CMSS1: variants seen among roughly 807,000 people sequenced by gnomAD.
CMSS1 encodes protein CMSS1.
A neutral mutation model predicts 43.5 loss-of-function variants in CMSS1; 33 were observed. The observed-to-expected ratio is 0.76, with a 90% CI of 0.57 to 1.01. The LOEUF (loss-of-function observed/expected upper bound fraction) is 1.01, where lower values mean the gene tolerates loss of function less well. Ranked by LOEUF, CMSS1 falls within the 50% of genes least tolerant of loss-of-function variation. The probability of loss-of-function intolerance (pLI) is 0.00; values close to 1 mark genes in which losing one functional copy is unlikely to be tolerated. For synonymous variants in CMSS1, 115 were observed against 117.2 expected, an observed-to-expected ratio of 0.98 and a Z score of 0.12; for missense variants, 313 against 326.4, an observed-to-expected ratio of 0.96 and a Z score of 0.32.
intron 1 of CMSS1, among the ~76,000 whole-genome samples, chr3:99,880,760 A>G (rs1576543971): frequency 6.6e-6 from 1 of 152,236 alleles, no homozygotes; most frequent in South Asian, 2.1e-4. Flanking sequence ...AAAATTTTAC[A>G]TGTAGTCCTA....
chr3:99,970,484 G>C (rs1195611547), intron 1 of CMSS1, among the ~76,000 whole-genome samples: 1 of 152,246 alleles, frequency 6.6e-6, no homozygotes, highest in African/African-American at 2.4e-5. Flanking sequence ...CACCCTATTT[G>C]TGTTCGCTTT....
intron 1 of CMSS1, among the ~76,000 whole-genome samples, chr3:100,031,743 C>T (rs1196715099): frequency 6.6e-6 from 1 of 152,066 alleles, no homozygotes; most frequent in Non-Finnish European, 1.5e-5. Context: ...TTGTATTTTA[C>T]GTTTATTTGC....
chr3:100,037,668 G>A (rs1336219598), intron 1 of CMSS1, among the ~76,000 whole-genome samples: 1 of 152,118 alleles, frequency 6.6e-6, no homozygotes, highest in Non-Finnish European at 1.5e-5. Flanking sequence ...TCTGTAAATT[G>A]AGGCACACCT....
chr3:100,020,241 AT>A (rs2064783152), intron 1 of CMSS1, among the ~76,000 whole-genome samples: 1 of 152,064 alleles, frequency 6.6e-6, no homozygotes, highest in Non-Finnish European at 1.5e-5. Flanking sequence ...ATTCTTTGCA[AT>A]TTACTTCACT....
chr3:99,954,362 AT>A (rs1708260278), intron 1 of CMSS1, among the ~76,000 whole-genome samples: 1 of 152,170 alleles, frequency 6.6e-6, no homozygotes, highest in Non-Finnish European at 1.5e-5. Context: ...TCACATAATA[AT>A]CCAGCCACAC....
intron 1 of CMSS1, among the ~76,000 whole-genome samples, chr3:99,981,941 C>T (rs1037900221): frequency 6.6e-6 from 1 of 152,148 alleles, no homozygotes; most frequent in African/African-American, 2.4e-5. Context: ...GCCTGGATAA[C>T]ATAGTGAGAT....
chr3:99,915,444 G>A (rs1163880137), intron 1 of CMSS1, among the ~76,000 whole-genome samples: 1 of 152,094 alleles, frequency 6.6e-6, no homozygotes, highest in African/African-American at 2.4e-5. Flanking sequence ...ATTAGTGTGA[G>A]GATTTTTGAC....
At chr3:100,151,103 T>C (rs913014237) in intron 2 of CMSS1, among the ~76,000 whole-genome samples, 2 of 152,314 alleles carry the variant, frequency 1.3e-5, no homozygotes, top group South Asian at 4.1e-4. Context: ...TATTTGACCA[T>C]TGGTCATTTC....
chr3:100,056,790 G>A (rs1379699401), intron 1 of CMSS1, among the ~76,000 whole-genome samples: 9 of 151,512 alleles, frequency 5.9e-5, no homozygotes, highest in Admixed American at 6.6e-5. Context: ...GGATCACGAG[G>A]TCAGGAGATC....
chr3:99,972,277 C>A (rs1307264781), intron 1 of CMSS1, among the ~76,000 whole-genome samples: 1 of 152,078 alleles, frequency 6.6e-6, no homozygotes, highest in African/African-American at 2.4e-5. Context: ...AATAGAGTAC[C>A]CTAGTTTTGT....
rs778641584 is a variant in CMSS1 at position 99,830,465 on chromosome 3, G to A, written c.64+12422G>A. ...AGGTGTTGGAGGTGACAGTTCTCACGATGTGTAGCTTCCCACAGCCATTTT... is the reference window on the plus strand; with the variant it reads ...AGGTGTTGGAGGTGACAGTTCTCACAATGTGTAGCTTCCCACAGCCATTTT... On this transcript the variant is annotated intron_variant, in intron 1 of 9. Transcript: ENST00000421999. 59 of 456,524 alleles carry A rather than the reference G, an allele frequency of 1.3e-4. No individual in the cohort carries two copies. The Middle Eastern group carries it at 1.3e-3, about 10-fold the overall frequency. 28.3% of individuals were successfully genotyped at this position (456,524 alleles called of 1,614,324 possible).
At position 100,181,171 on chromosome 3, in the gene CMSS1, A is replaced by C. The variant is rs2067182320; in HGVS notation, c.*2783A>C. 6.6e-6 allele frequency: 1 copy of C among 152,220 alleles called. No homozygotes were observed. The highest frequency in any genetic ancestry group is 2.4e-5 in the African/African-American group (1 of 41,458). The allele number at this position is 152,220 out of a possible 1,614,324, so 9.4% of individuals were successfully genotyped here. ...CACTGGGAATTACAATTCGACATGA[A>C]ACTTGGGTGGGGACACAGCCAAACC... is the stretch of plus-strand genomic sequence containing the variant. On this transcript the variant is annotated 3_prime_UTR_variant, in exon 10 of 10. Transcript: ENST00000421999.
intron 1 of CMSS1, among the ~76,000 whole-genome samples, chr3:99,910,521 C>T (rs1414445620): frequency 7.3e-6 from 1 of 136,610 alleles, no homozygotes; most frequent in Non-Finnish European, 1.7e-5. Flanking sequence ...GGTGAAGTGG[C>T]AGATGCATGT....
chr3:100,095,605 T>C (rs555352636), intron 1 of CMSS1, among the ~76,000 whole-genome samples: 1 of 152,152 alleles, frequency 6.6e-6, no homozygotes, highest in East Asian at 1.9e-4. Context: ...TCTTGCCTAA[T>C]ACAAAAATTA....
chr3:99,983,436 ATATATGTATGTATATATATATATGTGTG>A (rs1709206745), intron 1 of CMSS1, among the ~76,000 whole-genome samples: 12 of 69,296 alleles, frequency 1.7e-4, no homozygotes, highest in African/African-American at 2.4e-4. Flanking sequence ...ATGTATGTAT[ATATATGTATGTATATATATATATGTGTG>A]TATATATATA....
chr3:100,144,358 G>A (rs2066830081), intron 1 of CMSS1, among the ~76,000 whole-genome samples: 1 of 152,202 alleles, frequency 6.6e-6, no homozygotes, highest in Non-Finnish European at 1.5e-5. Context: ...CACCATCCCA[G>A]TGGGATAGGA....
chr3:100,087,158 T>A (rs1364578045), intron 1 of CMSS1, among the ~76,000 whole-genome samples: 1 of 152,238 alleles, frequency 6.6e-6, no homozygotes. Flanking sequence ...AAGCCACTAT[T>A]AATGTTCACG....
chr3:99,886,824 G>A (rs1705914575), intron 1 of CMSS1, among the ~76,000 whole-genome samples: 1 of 151,954 alleles, frequency 6.6e-6, no homozygotes, highest in South Asian at 2.1e-4. Context: ...ACAAAAATTA[G>A]CCAGGCATGG....
chr3:99,985,169 C>T lies in CMSS1; in HGVS notation c.65-161804C>T, dbSNP rs144109412. ...AAGAGAAGATTGAACAAAAAATCAT[C>T]CTAGGGGGTCAAAGGTTGTTTTAAA... On this transcript the variant is annotated intron_variant, in intron 1 of 9. Coordinates refer to ENST00000421999, the MANE Select transcript of CMSS1 (RefSeq NM_032359.4). Among the ~76,000 whole-genome samples, 266 of 152,106 alleles carry T rather than the reference C, an allele frequency of 1.7e-3. 1 individual carries two copies. The highest frequency in any genetic ancestry group is 2.5e-3 in the Non-Finnish European group (171 of 67,966).
Sources: gnomAD v4.1 joint callset for allele counts (sites outside exome capture counted in the v4.1 genomes callset) on GRCh38, gnomAD v4.1.1 for gene constraint, MANE v1.5 for transcripts, NCBI Gene and HGNC (gene_info 2026-07-23, HGNC 2026-07-21) for gene names.